Variants in PPP2R3C observed in about 807,000 individuals in gnomAD.
PPP2R3C encodes protein phosphatase 2 regulatory subunit B''gamma.
A neutral mutation model predicts 63.7 loss-of-function variants in PPP2R3C; 47 were observed. The ratio of observed to expected loss-of-function variants is 0.74; its 90% CI spans 0.58 to 0.94. The LOEUF (loss-of-function observed/expected upper bound fraction) is 0.94, where lower values mean the gene tolerates loss of function less well. Among genes scored for constraint, PPP2R3C ranks in the 40% least tolerant of loss-of-function variants. The pLI is 0.00. For synonymous variants in PPP2R3C, 180 were observed against 177.4 expected, an observed-to-expected ratio of 1.01 and a Z score of -0.12; for missense variants, 421 against 518.4, an observed-to-expected ratio of 0.81 and a Z score of 1.82.
At chr14:35,117,052 A>G (rs1277665303) in intron 1 of PPP2R3C, 1 of 455,910 alleles carries the variant, frequency 2.2e-6, no homozygotes, top group Non-Finnish European at 4.4e-6. Context: ...CATTCAATGA[A>G]AAGAATTTAC....
At chr14:35,107,688 A>G (rs2046407380) in intron 5 of PPP2R3C, 2 of 368,918 alleles carry the variant, frequency 5.4e-6, no homozygotes, top group East Asian at 4.5e-5. Context: ...GGTTAATTAC[A>G]GCAACCAATT....
chr14:35,106,932 GC>G (rs945926337), intron 6 of PPP2R3C, among the ~76,000 whole-genome samples: 3 of 152,146 alleles, frequency 2.0e-5, no homozygotes, highest in Non-Finnish European at 2.9e-5. Flanking sequence ...CTTCCAAAGT[GC>G]TGGGATTACA....
chr14:35,087,224 C>G (rs921648681), intron 12 of PPP2R3C: 5 of 152,014 alleles, frequency 3.3e-5, no homozygotes, highest in Admixed American at 1.3e-4. Flanking sequence ...TACATGTTTT[C>G]TAATCTTTTT....
At chr14:35,116,987 C>G (rs1044424442) in intron 1 of PPP2R3C, 7 of 430,826 alleles carry the variant, frequency 1.6e-5, no homozygotes, top group African/African-American at 1.4e-4. Flanking sequence ...ATCGCTAAAG[C>G]TAGTCTCTTC....
chr14:35,116,656 T>C lies in PPP2R3C; in HGVS notation c.140A>G (p.Lys47Arg), dbSNP rs140392844. The C allele has an allele frequency of 1.2e-6, 2 of 1,602,652 alleles. No homozygotes were observed. The highest frequency in any genetic ancestry group is 2.7e-5 in the African/African-American group (2 of 74,574). The change falls in exon 2 of 13, where the codon AAA (lysine) becomes AGA (arginine). Residue 47 changes from lysine (K) to arginine (R), a missense_variant. Physicochemically the swap from Lys to Arg is conservative, Grantham distance 26 (BLOSUM62 2). This residue lies in a region of PPP2R3C where 143 missense variants were observed against 151.2 expected (regional missense o/e 0.95). Coordinates refer to ENST00000261475, the MANE Select transcript of PPP2R3C (RefSeq NM_017917.4). ...KYYSEWKGGR[K>R]NTNEFYKTIP... ...GGTCTTATAGAATTCATTTGTGTTT[T>C]TTCTACCTCCTTTCCATTCGGAGTA...
At chr14:35,116,318 C>T (rs2046708362) in intron 2 of PPP2R3C, among the ~76,000 whole-genome samples, 1 of 152,084 alleles carries the variant, frequency 6.6e-6, no homozygotes, top group Admixed American at 6.6e-5. Flanking sequence ...GTGACACAAT[C>T]ACGGCTCACT....
At chr14:35,118,419 G>C (rs926313643) in intron 1 of PPP2R3C, among the ~76,000 whole-genome samples, 4 of 152,130 alleles carry the variant, frequency 2.6e-5, no homozygotes, top group Non-Finnish European at 5.9e-5. Context: ...ACTGATGAAG[G>C]AACCAGACTT....
chr14:35,087,721 T>C (rs1202879627), intron 12 of PPP2R3C: 2 of 475,652 alleles, frequency 4.2e-6, no homozygotes, highest in Non-Finnish European at 7.6e-6. Flanking sequence ...TTAATTAAAA[T>C]GAATGAATGC....
chr14:35,091,716 C>T (rs1438213479), intron 10 of PPP2R3C, among the ~76,000 whole-genome samples: 1 of 151,078 alleles, frequency 6.6e-6, no homozygotes, highest in Non-Finnish European at 1.5e-5. Flanking sequence ...GGACATAGTT[C>T]TTTTTTATTT....
chr14:35,110,632 G>T lies in PPP2R3C; in HGVS notation c.187-3C>A. ...AAGACTTCATCTTCAGCAGGCAGCT[G>T]AAAATACAAGGTAAATTTCTACATG... On this transcript the variant is annotated splice_region_variant and splice_polypyrimidine_tract_variant and intron_variant, in intron 2 of 12. Coordinates refer to ENST00000261475, the MANE Select transcript of PPP2R3C (RefSeq NM_017917.4). 6.3e-7 allele frequency: 1 copy of T among 1,591,384 alleles called. No homozygotes were observed.
chr14:35,117,030 G>C (rs1322531923), intron 1 of PPP2R3C: 6 of 456,908 alleles, frequency 1.3e-5, no homozygotes, highest in Admixed American at 9.5e-5. Context: ...ACTCTGTAGA[G>C]TGCTCCTAAT....
intron 6 of PPP2R3C, chr14:35,100,554 A>C (rs2046154370): frequency 6.6e-6 from 1 of 152,234 alleles, no homozygotes. Flanking sequence ...AACATTTGTC[A>C]GACACTGCAT....
intron 12 of PPP2R3C, chr14:35,086,700 A>T (rs1201425051): frequency 1.3e-5 from 2 of 150,966 alleles, no homozygotes; most frequent in Non-Finnish European, 2.9e-5. Flanking sequence ...GTTTCTCCAT[A>T]TTGGTCAGGC....
intron 2 of PPP2R3C, among the ~76,000 whole-genome samples, chr14:35,114,841 A>G (rs1210586225): frequency 6.6e-6 from 1 of 152,164 alleles, no homozygotes; most frequent in Non-Finnish European, 1.5e-5. Context: ...AAAAATACAA[A>G]AACTAGCTGG....
intron 6 of PPP2R3C, chr14:35,102,488 C>T (rs760281041): frequency 6.6e-6 from 1 of 152,196 alleles, no homozygotes; most frequent in Non-Finnish European, 1.5e-5. Context: ...TTGGTCCTCA[C>T]CTGCTTTTCC....
At position 35,085,782 on chromosome 14, in the gene PPP2R3C, C is replaced by T; in HGVS notation, c.1174-4G>A. The T allele has an allele frequency of 6.3e-7, 1 of 1,577,870 alleles. No homozygotes were observed. Among genetic ancestry groups the T allele is most frequent in the Non-Finnish European group, 8.6e-7 (1 of 1,161,658 alleles). ...TTACCATGTCAAAGATTTCATCCTG[C>T]AAGAGAAAAAAAAATACAATGAAAT... On this transcript the variant is annotated splice_region_variant and splice_polypyrimidine_tract_variant and intron_variant, in intron 12 of 12. Coordinates refer to ENST00000261475, the MANE Select transcript of PPP2R3C (RefSeq NM_017917.4).
rs35890780 is a variant in PPP2R3C, at chr14:35,090,711, A to ATTT, written c.1113+356_1113+358dup. On this transcript the variant is annotated intron_variant, in intron 11 of 12. Transcript: ENST00000261475. ...GCCACTGCTTTTGCTGCATCTCACA[A>ATTT]TTTTTTTTTTTTTTTTTTTTTTGAG... Among the ~76,000 whole-genome samples the ATTT allele has an allele frequency of 7.3e-3, 806 of 110,252 alleles. 12 individuals are homozygous for ATTT. The highest frequency in any genetic ancestry group is 8.4e-3 in the African/African-American group (239 of 28,336). 72.3% of individuals were successfully genotyped at this position (110,252 alleles called of 152,430 possible).
intron 2 of PPP2R3C, among the ~76,000 whole-genome samples, chr14:35,111,931 C>T (rs1219665994): frequency 6.6e-6 from 1 of 152,200 alleles, no homozygotes; most frequent in Non-Finnish European, 1.5e-5. Context: ...AAACTCCTGT[C>T]TCCCATTTAG....
chr14:35,091,834 T>C (rs887458375), intron 10 of PPP2R3C, among the ~76,000 whole-genome samples: 5 of 151,120 alleles, frequency 3.3e-5, no homozygotes, highest in Non-Finnish European at 7.4e-5. Context: ...GATTCTCCTG[T>C]CTCAGCCTCC....
Sources: allele counts gnomAD v4.1 joint callset (sites outside exome capture counted in the v4.1 genomes callset), GRCh38; gene constraint gnomAD v4.1.1; regional missense constraint gnomAD v4.1.1; transcripts MANE v1.5; gene names NCBI Gene and HGNC (gene_info 2026-07-23, HGNC 2026-07-21).